PARN: variants seen among roughly 807,000 people sequenced by gnomAD.
PARN encodes poly(A)-specific ribonuclease, also known as poly(A)-specific ribonuclease PARN.
In PARN, 71 loss-of-function variants were observed where a neutral mutation model predicts 102.8. The observed-to-expected ratio is 0.69, with a 90% CI of 0.57 to 0.84. The LOEUF (loss-of-function observed/expected upper bound fraction) is 0.84, where lower values mean the gene tolerates loss of function less well. Ranked by LOEUF, PARN falls within the 40% of genes least tolerant of loss-of-function variation. The pLI is 0.00. For synonymous variants in PARN, 261 were observed against 252.9 expected (o/e 1.03, Z -0.30); for missense variants, 782 against 760.9 (o/e 1.03, Z -0.33).
intron 22 of PARN, among the ~76,000 whole-genome samples, chr16:14,458,724 G>A (rs1209115665): frequency 2.0e-5 from 3 of 152,200 alleles, no homozygotes; most frequent in Non-Finnish European, 4.4e-5. Flanking sequence ...GAGGACTGGA[G>A]CCATGTCAGG....
At chr16:14,456,571 G>A (rs1231221784) in intron 22 of PARN, among the ~76,000 whole-genome samples, 2 of 152,134 alleles carry the variant, frequency 1.3e-5, no homozygotes, top group Non-Finnish European at 2.9e-5. Context: ...TTAAAGAGCT[G>A]CTGTTTGCAA....
At chr16:14,609,222 C>T in intron 7 of PARN, 99 bp from the exon 8 acceptor site, 1 of 605,910 alleles carries the variant, frequency 1.7e-6, no homozygotes, top group South Asian at 2.1e-5. Context: ...ACTATAAGAA[C>T]ATGTGACAAT....
intron 18 of PARN, among the ~76,000 whole-genome samples, chr16:14,568,609 TA>T (rs994558747): frequency 1.3e-5 from 2 of 151,694 alleles, no homozygotes; most frequent in African/African-American, 4.8e-5. Flanking sequence ...AAAAATAATT[TA>T]AAAAAATGCC....
chr16:14,526,177 C>T (rs1965988436), intron 21 of PARN, among the ~76,000 whole-genome samples: 1 of 149,156 alleles, frequency 6.7e-6, no homozygotes, highest in African/African-American at 2.5e-5. Flanking sequence ...AAATCATCCA[C>T]TGTTTTTTTT....
At chr16:14,584,509 A>G in intron 15 of PARN, 87 bp from the exon 16 acceptor site, 1 of 1,094,124 alleles carries the variant, frequency 9.1e-7, no homozygotes, top group African/African-American at 1.6e-5. Flanking sequence ...CAAAAAAAAG[A>G]CAGCATCTAG....
chr16:14,621,403 C>T (rs1972288411), intron 5 of PARN, among the ~76,000 whole-genome samples: 1 of 152,228 alleles, frequency 6.6e-6, no homozygotes, highest in Non-Finnish European at 1.5e-5. Flanking sequence ...ATCAAAACAA[C>T]ACTCTTTGGG....
chr16:14,516,327 C>T lies in PARN; in HGVS notation c.1481-33500G>A, dbSNP rs191936725. 9.9e-5 allele frequency among the ~76,000 whole-genome samples: 15 copies of T among 152,162 alleles called. 1 individual carries two copies. Among genetic ancestry groups the T allele is most frequent in the African/African-American group, 3.6e-4 (15 of 41,546 alleles). ...GGGAACAGAACAACGCTGAAAATTA[C>T]AACTCAAGAAAACTTTGCTCAGATA... On this transcript the variant is annotated intron_variant, in intron 21 of 23. Coordinates refer to ENST00000437198, the MANE Select transcript of PARN (RefSeq NM_002582.4).
At chr16:14,462,310 A>G (rs116868222) in intron 22 of PARN, among the ~76,000 whole-genome samples, 3,775 of 152,290 alleles carry the variant, frequency 0.025, 59 homozygotes, top group Non-Finnish European at 0.039. Flanking sequence ...AGTCAGAGAA[A>G]TGTCCAAGAA....
At chr16:14,582,419 T>TC (rs1969590574) in intron 16 of PARN, 128 bp from the exon 17 acceptor site, 1 of 663,824 alleles carries the variant, frequency 1.5e-6, no homozygotes, top group African/African-American at 1.8e-5. Flanking sequence ...TATCTATTCC[T>TC]TAATTCTCTC....
intron 6 of PARN, among the ~76,000 whole-genome samples, chr16:14,612,533 G>A (rs1346210933): frequency 6.6e-6 from 1 of 152,166 alleles, no homozygotes; most frequent in Non-Finnish European, 1.5e-5. Context: ...ACAATGAGGG[G>A]AAAAATAGGT....
intron 6 of PARN, among the ~76,000 whole-genome samples, chr16:14,611,509 C>T (rs1190637584): frequency 2.0e-5 from 3 of 152,112 alleles, no homozygotes; most frequent in Admixed American, 6.6e-5. Flanking sequence ...AGGCAAGAGA[C>T]AAGAGCTCAG....
chr16:14,532,696 G>T (rs1310705784), intron 21 of PARN, among the ~76,000 whole-genome samples: 2 of 151,656 alleles, frequency 1.3e-5, no homozygotes, highest in African/African-American at 4.9e-5. Flanking sequence ...CCTCCCAGAC[G>T]GGGGGGCGAC....
At chr16:14,497,703 C>G (rs1964389384) in intron 21 of PARN, among the ~76,000 whole-genome samples, 2 of 152,152 alleles carry the variant, frequency 1.3e-5, no homozygotes, top group African/African-American at 4.8e-5. Context: ...AAAGCTTAGT[C>G]TGTTTGTGTA....
chr16:14,530,754 T>C (rs963465478), intron 21 of PARN, among the ~76,000 whole-genome samples: 1 of 152,088 alleles, frequency 6.6e-6, no homozygotes, highest in African/African-American at 2.4e-5. Flanking sequence ...ATCCCAGAAT[T>C]GGCCCCTTCC....
chr16:14,585,510 C>G lies in PARN; in HGVS notation c.963-719G>C, dbSNP rs1404153802. On this transcript the variant is annotated intron_variant, in intron 14 of 23. Transcript: ENST00000437198. ...ACACAAACACTTGTTCGGTAGGCTC[C>G]ACATGGCTGACCTATGATGTCTCAG... is the stretch of plus-strand genomic sequence containing the variant. 1.7e-3 allele frequency among the ~76,000 whole-genome samples: 265 copies of G among 152,184 alleles called. 3 individuals are homozygous for G. Among genetic ancestry groups the G allele is most frequent in the African/African-American group, 6.2e-3 (256 of 41,528 alleles).
chr16:14,452,230 T>C (rs922393467), intron 22 of PARN, among the ~76,000 whole-genome samples: 4 of 152,216 alleles, frequency 2.6e-5, no homozygotes, highest in Non-Finnish European at 5.9e-5. Flanking sequence ...ACAAGACCCA[T>C]GCATTTGTAA....
intron 21 of PARN, among the ~76,000 whole-genome samples, chr16:14,499,241 T>C (rs1358211387): frequency 4.6e-5 from 7 of 152,226 alleles, no homozygotes; most frequent in African/African-American, 1.4e-4. Context: ...GTTAGGCTGC[T>C]AGGAGAGGAA....
At chr16:14,539,172 T>C (rs1377361868) in intron 21 of PARN, among the ~76,000 whole-genome samples, 1 of 152,218 alleles carries the variant, frequency 6.6e-6, no homozygotes, top group Non-Finnish European at 1.5e-5. Flanking sequence ...GTGGAAAAAC[T>C]GTCTTTCACA....
chr16:14,599,856 C>A, intron 12 of PARN, 48 bp downstream of exon 12: 1 of 1,146,216 alleles, frequency 8.7e-7, no homozygotes, highest in Non-Finnish European at 1.3e-6. Context: ...GATACTTCAC[C>A]TGAAATAGTA....
Sources: allele counts gnomAD v4.1 joint callset (sites outside exome capture counted in the v4.1 genomes callset), GRCh38; gene constraint gnomAD v4.1.1; transcripts MANE v1.5; gene names NCBI Gene and HGNC (gene_info 2026-07-23, HGNC 2026-07-21).